The following LIFR variants were observed in gnomAD, a reference collection of about 807,000 sequenced individuals.
LIFR encodes the protein LIF receptor subunit alpha.
A neutral mutation model predicts 122.2 loss-of-function variants in LIFR; 84 were observed. That is an observed-to-expected ratio of 0.69 (90% CI 0.58 to 0.82). LIFR has a LOEUF of 0.82. Among genes scored for constraint, LIFR ranks in the 40% least tolerant of loss-of-function variants. LIFR has a pLI of 0.00. For missense variants in LIFR, 1,294 were observed against 1,311.6 expected, an observed-to-expected ratio of 0.99 and a Z score of 0.21; for synonymous variants, 422 against 434.7, an observed-to-expected ratio of 0.97 and a Z score of 0.36.
chr5:38,499,815 G>A (rs1318284446), intron 11 of LIFR, among the ~76,000 whole-genome samples: 1 of 152,058 alleles, frequency 6.6e-6, no homozygotes, highest in African/African-American at 2.4e-5. Context: ...CTGATTCCCT[G>A]GGTTCCCCTC....
In LIFR at chr5:38,490,233, T is replaced by A; in HGVS notation, c.2124A>T (p.Gly708=). Residue 708 remains glycine (G), a synonymous_variant, in exon 15 of 20, where the codon GGA becomes GGT. Transcript: ENST00000453190. ...CAATCATGGAGCGTAATAATTGATA[T>A]CCTTGATTTCTGCATCCATACAGGA... is the stretch of plus-strand genomic sequence containing the variant. ...NFFLYGCRNQ[G]YQLLRSMIGY... The A allele has an allele frequency of 6.3e-7, 1 of 1,585,482 alleles. No homozygotes were observed. Among genetic ancestry groups the A allele is most frequent in the East Asian group, 2.3e-5 (1 of 44,436 alleles).
chr5:38,530,795 A>C, intron 1 of LIFR, 129 bp from the exon 2 acceptor site: 1 of 856,978 alleles, frequency 1.2e-6, no homozygotes, highest in East Asian at 2.6e-5. Flanking sequence ...CTTTGGAGAT[A>C]CTCAAACTCA....
At chr5:38,513,440 A>G (rs1250693392) in intron 5 of LIFR, among the ~76,000 whole-genome samples, 7 of 152,222 alleles carry the variant, frequency 4.6e-5, no homozygotes, top group Non-Finnish European at 8.8e-5. Context: ...CACACTCCAC[A>G]CTACCGAAGG....
At chr5:38,570,406 G>A (rs1027158192) in intron 1 of LIFR, among the ~76,000 whole-genome samples, 1 of 152,166 alleles carries the variant, frequency 6.6e-6, no homozygotes, top group Admixed American at 6.5e-5. Context: ...CAGTTCTTCT[G>A]TAGGAAAATA....
At chr5:38,561,613 A>C (rs888120062), upstream of LIFR, among the ~76,000 whole-genome samples, 1 of 152,190 alleles carries the variant, frequency 6.6e-6, no homozygotes, top group Non-Finnish European at 1.5e-5. Flanking sequence ...GGAAGGATGC[A>C]TGTGTATGTG....
chr5:38,603,908 G>A (rs1363299104), intron 2 of LIFR, among the ~76,000 whole-genome samples: 1 of 152,098 alleles, frequency 6.6e-6, no homozygotes, highest in Non-Finnish European at 1.5e-5. Flanking sequence ...TCACTTAACA[G>A]CATCTATTAT....
At position 38,493,688 on chromosome 5, in the gene LIFR, C is replaced by T. The variant is rs943532734; in HGVS notation, c.1983G>A (p.Trp661Ter). ...PNMTCDYVIK[W>*]CNSSRSEPCL... Reference sequence around the variant, plus strand: ...ATGGTTCCGACCGAGACGAGTTACACCACTTAATGACGTAGTCGCAAGTCA... The same window carrying T: ...ATGGTTCCGACCGAGACGAGTTACATCACTTAATGACGTAGTCGCAAGTCA... The change falls in exon 14 of 20, where the codon TGG becomes TGA. Residue 661 changes from tryptophan (W) to a stop codon, truncating the protein, a stop_gained. Transcript: ENST00000453190. LOFTEE classifies it high-confidence loss of function. 1.2e-6 allele frequency: 2 copies of T among 1,614,188 alleles called. No homozygotes were observed. Among genetic ancestry groups the T allele is most frequent in the Non-Finnish European group, 1.7e-6 (2 of 1,180,032 alleles).
In LIFR at chr5:38,511,768, C is replaced by T. The variant is rs781771132; in HGVS notation, c.736+22G>A. 6 of 1,608,736 alleles carry T rather than the reference C, an allele frequency of 3.7e-6. No homozygotes were observed. The South Asian group carries it at 6.6e-5, about 18-fold the overall frequency. ...ACTAATTTAATTCATCTGAAACAAA[C>T]ATTCTTTAAATATAAGCTTACAAGA... is the stretch of plus-strand genomic sequence containing the variant. On this transcript the variant is annotated intron_variant, in intron 6 of 19. Transcript: ENST00000453190.
chr5:38,530,089 A>ATAT (rs1314260408), intron 2 of LIFR, among the ~76,000 whole-genome samples: 1 of 152,220 alleles, frequency 6.6e-6, no homozygotes, highest in Non-Finnish European at 1.5e-5. Flanking sequence ...AGGTAACATT[A>ATAT]TAGAGACAGA....
intron 13 of LIFR, among the ~76,000 whole-genome samples, chr5:38,495,902 A>C (rs970614704): frequency 1.3e-5 from 2 of 152,182 alleles, no homozygotes; most frequent in Non-Finnish European, 2.9e-5. Flanking sequence ...TACCTTAAGA[A>C]GACTTTTTTT....
intron 8 of LIFR, 60 bp from the exon 9 acceptor site, chr5:38,506,134 C>A: frequency 2.7e-6 from 3 of 1,115,844 alleles, no homozygotes; most frequent in South Asian, 1.4e-5. Flanking sequence ...CAGGAAAAAA[C>A]GGGCAAATTC....
chr5:38,564,723 ATACACACACAC>A (rs1748951034), intron 1 of LIFR, among the ~76,000 whole-genome samples: 1 of 144,652 alleles, frequency 6.9e-6, no homozygotes, highest in African/African-American at 2.6e-5. Context: ...CAATATATAT[ATACACACACAC>A]TACACACACA....
intron 1 of LIFR, among the ~76,000 whole-genome samples, chr5:38,585,929 A>G (rs2112750800): frequency 6.6e-6 from 1 of 152,176 alleles, no homozygotes; most frequent in South Asian, 2.1e-4. Context: ...CCAAGAGAGC[A>G]TGATTGATGA....
chr5:38,523,509 C>T lies in LIFR; in HGVS notation c.471G>A (p.Trp157Ter). 6.2e-7 allele frequency: 1 copy of T among 1,613,184 alleles called. No individual in the cohort carries two copies. The highest frequency in any genetic ancestry group is 8.5e-7 in the Non-Finnish European group (1 of 1,179,322). The change falls in exon 5 of 20, where the codon TGG becomes TGA. Residue 157 changes from tryptophan (W) to a stop codon, truncating the protein, a stop_gained. Coordinates refer to ENST00000453190, the MANE Select transcript of LIFR (RefSeq NM_001127671.2). LOFTEE classifies it high-confidence loss of function. Reference sequence around the variant, plus strand: ...GTGGAAAAACTGAACCCCTGTCGTTCCACTTTAGGTATAATGTAGAGGTTG... The same window carrying T: ...GTGGAAAAACTGAACCCCTGTCGTTTCACTTTAGGTATAATGTAGAGGTTG... ...DFSTSTLYLK[W>*]NDRGSVFPHR...
intron 1 of LIFR, among the ~76,000 whole-genome samples, chr5:38,565,967 G>C (rs1749010658): frequency 6.6e-6 from 1 of 152,200 alleles, no homozygotes; most frequent in South Asian, 2.1e-4. Flanking sequence ...ACAACAGTGA[G>C]TGAGACAAAG....
At chr5:38,543,026 T>A (rs1484239480) in intron 1 of LIFR, among the ~76,000 whole-genome samples, 3 of 152,052 alleles carry the variant, frequency 2.0e-5, no homozygotes, top group African/African-American at 7.3e-5. Flanking sequence ...ATACTTAGGA[T>A]ATACAAATGG....
chr5:38,482,143 C>T lies in LIFR; in HGVS notation c.2746G>A (p.Ala916Thr), dbSNP rs1346061605. The T allele has an allele frequency of 6.3e-7, 1 of 1,584,670 alleles. No homozygotes were observed. Among genetic ancestry groups the T allele is most frequent in the Non-Finnish European group, 8.5e-7 (1 of 1,170,750 alleles). The change falls in exon 20 of 20, where the codon GCA (alanine) becomes ACA (threonine). Residue 916 changes from alanine to threonine, a missense_variant. Physicochemically the swap from Ala to Thr is moderately conservative, Grantham distance 58. Coordinates refer to ENST00000453190, the MANE Select transcript of LIFR (RefSeq NM_001127671.2). ...TCTGTATCTTCTATTTTAGGAAATG[C>T]TGATCGAGTTTCCAGAACCTCAACA... ...NNVEVLETRSAFPKIEDTEII... is the reference protein window; with the variant it reads ...NNVEVLETRSTFPKIEDTEII...
At chr5:38,595,546 G>C (rs1043176237), upstream of LIFR, 1 of 152,434 alleles carries the variant, frequency 6.6e-6, no homozygotes, top group Admixed American at 6.5e-5. Flanking sequence ...AAACCAAATT[G>C]TGTCTTGGAT....
At chr5:38,558,261 CA>C (rs1315573666), upstream of LIFR, 1 of 151,912 alleles carries the variant, frequency 6.6e-6, no homozygotes, top group Non-Finnish European at 1.5e-5. Context: ...GCCTAGAGCC[CA>C]AGAAAAACAT....
Sources: gnomAD v4.1 joint callset for allele counts (sites outside exome capture counted in the v4.1 genomes callset) on GRCh38, gnomAD v4.1.1 for gene constraint, MANE v1.5 for transcripts, NCBI Gene and HGNC (gene_info 2026-07-23, HGNC 2026-07-21) for gene names.